Variants in WWOX observed in about 807,000 individuals in gnomAD.
The protein encoded by WWOX is WW domain-containing oxidoreductase.
In WWOX, 69 loss-of-function variants were observed where a neutral mutation model predicts 46.2. The ratio of observed to expected loss-of-function variants is 1.49; its 90% confidence interval spans 1.23 to 1.82. The LOEUF (loss-of-function observed/expected upper bound fraction) is 1.82, where lower values mean the gene tolerates loss of function less well. WWOX is among the 40% of genes most tolerant of loss of function. The pLI is 0.00. For missense variants in WWOX, 919 were observed against 542.6 expected (o/e 1.69, Z -6.89); for synonymous variants, 359 against 202.6 (o/e 1.77, Z -6.56).
At chr16:79,088,392 A>T (rs765123515) in intron 8 of WWOX, among the ~76,000 whole-genome samples, 1 of 152,202 alleles carries the variant, frequency 6.6e-6, no homozygotes, top group Non-Finnish European at 1.5e-5. Context: ...CTCTGATCAG[A>T]TAAAGACAGG....
At chr16:78,386,993 T>C (rs764107841) in intron 6 of WWOX, 45 bp downstream of exon 6, 25 of 1,568,744 alleles carry the variant, frequency 1.6e-5, no homozygotes, top group South Asian at 6.6e-5. Flanking sequence ...TTCTTGCTAT[T>C]GTAATATCTT....
At chr16:78,550,622 T>C (rs773426365) in intron 8 of WWOX, 10 of 152,262 alleles carry the variant, frequency 6.6e-5, no homozygotes, top group Non-Finnish European at 1.3e-4. Context: ...TTGTCTGACA[T>C]AACTCAAAGT....
chr16:78,868,906 CCCCCCTTTTT>C (rs2044065648), intron 8 of WWOX, among the ~76,000 whole-genome samples: 5 of 152,164 alleles, frequency 3.3e-5, no homozygotes, highest in Admixed American at 3.3e-4. Context: ...TTGCACTTTT[CCCCCCTTTTT>C]CCATTAAAAC....
intron 8 of WWOX, among the ~76,000 whole-genome samples, chr16:78,640,249 T>G (rs912504707): frequency 2.1e-5 from 3 of 142,790 alleles, no homozygotes; most frequent in Admixed American, 1.4e-4. Context: ...TTTTTTTTTT[T>G]TTTTTGGCTT....
intron 8 of WWOX, among the ~76,000 whole-genome samples, chr16:78,855,792 C>T (rs537023990): frequency 6.6e-6 from 1 of 152,090 alleles, no homozygotes; most frequent in Non-Finnish European, 1.5e-5. Context: ...AAAAGATAGC[C>T]TGTTCATTCA....
intron 5 of WWOX, among the ~76,000 whole-genome samples, chr16:78,262,973 C>G (rs1216379285): frequency 6.6e-6 from 1 of 151,036 alleles, no homozygotes; most frequent in Non-Finnish European, 1.5e-5. Context: ...CCCTGCTCAA[C>G]TCTCATGGGC....
chr16:78,709,938 C>A (rs1015993903), intron 8 of WWOX, among the ~76,000 whole-genome samples: 1 of 152,008 alleles, frequency 6.6e-6, no homozygotes, highest in Non-Finnish European at 1.5e-5. Flanking sequence ...ACCATGTTGC[C>A]CAGGATGGTC....
At chr16:78,356,166 G>A (rs9745996) in intron 5 of WWOX, among the ~76,000 whole-genome samples, 108,184 of 146,736 alleles carry the variant, frequency 0.74, 41,473 homozygotes, top group African/African-American at 0.84. Flanking sequence ...CAGCTTGGGC[G>A]ACAGAGCGAG....
chr16:79,006,551 G>A (rs906728030), intron 8 of WWOX, among the ~76,000 whole-genome samples: 1 of 151,836 alleles, frequency 6.6e-6, no homozygotes, highest in Non-Finnish European at 1.5e-5. Flanking sequence ...CATTTGTGAG[G>A]CACTGTATTT....
chr16:78,858,100 T>A (rs532707598), intron 8 of WWOX, among the ~76,000 whole-genome samples: 1 of 151,734 alleles, frequency 6.6e-6, no homozygotes, highest in East Asian at 1.9e-4. Flanking sequence ...AAAGGAAAAA[T>A]GAAAGAAATT....
intron 1 of WWOX, 185 bp downstream of exon 1, chr16:78,100,070 C>T (rs534996610): frequency 1.4e-6 from 2 of 1,391,348 alleles, no homozygotes; most frequent in Non-Finnish European, 1.9e-6. Context: ...TGGTGGGCCT[C>T]GGGTCCAGCG....
At chr16:78,121,112 T>G (rs1486329602) in intron 4 of WWOX, among the ~76,000 whole-genome samples, 1 of 152,196 alleles carries the variant, frequency 6.6e-6, no homozygotes, top group Non-Finnish European at 1.5e-5. Flanking sequence ...AATGCCTGAT[T>G]AGTTTCCTTT....
intron 8 of WWOX, among the ~76,000 whole-genome samples, chr16:78,475,097 T>A (rs1405796543): frequency 3.3e-5 from 5 of 152,184 alleles, no homozygotes; most frequent in African/African-American, 1.2e-4. Context: ...ATAAAACCAC[T>A]GCTCATTACT....
chr16:78,630,383 A>G (rs562101233), intron 8 of WWOX, among the ~76,000 whole-genome samples: 2 of 152,262 alleles, frequency 1.3e-5, no homozygotes, highest in South Asian at 2.1e-4. Context: ...GACTGCTTGT[A>G]CCAAAAATAG....
At chr16:79,104,973 C>T (rs558408119) in intron 8 of WWOX, among the ~76,000 whole-genome samples, 25 of 152,208 alleles carry the variant, frequency 1.6e-4, no homozygotes, top group Middle Eastern at 3.4e-3. Flanking sequence ...TGCACCTGTC[C>T]GCCACCCCAA....
Position 78,532,839 on chromosome 16 carries a change from A to G in WWOX, c.1056+100087A>G, listed in dbSNP as rs75131066. The stretch of plus-strand genomic sequence containing the variant: ...TTACCTCCCACCTGGTCCCTCCTGC[A>G]ACATGTGGGAATTCAAGAAGAGATT... On this transcript the variant is annotated intron_variant, in intron 8 of 8. Transcript: ENST00000566780. Among the ~76,000 whole-genome samples, 777 of 152,314 alleles carry G rather than the reference A, an allele frequency of 5.1e-3. 10 individuals carry two copies. Among genetic ancestry groups the G allele is most frequent in the African/African-American group, 0.018 (755 of 41,578 alleles).
intron 8 of WWOX, among the ~76,000 whole-genome samples, chr16:79,034,833 G>A (rs981188297): frequency 1.3e-5 from 2 of 151,990 alleles, no homozygotes; most frequent in South Asian, 2.1e-4. Flanking sequence ...CCAGTCTCCC[G>A]AGTAGTGTAT....
chr16:79,094,576 TAAGAAACAAC>T (rs2049031497), intron 8 of WWOX, among the ~76,000 whole-genome samples: 1 of 151,954 alleles, frequency 6.6e-6, no homozygotes, highest in Admixed American at 6.6e-5. Context: ...AAAAAGCAAA[TAAGAAACAAC>T]AACAAACTGC....
intron 8 of WWOX, among the ~76,000 whole-genome samples, chr16:79,175,809 T>C (rs1435238457): frequency 6.6e-6 from 1 of 152,172 alleles, no homozygotes; most frequent in Non-Finnish European, 1.5e-5. Flanking sequence ...CAATGTGCCC[T>C]TTTTGTCTCA....
Sources: allele counts gnomAD v4.1 joint callset (sites outside exome capture counted in the v4.1 genomes callset), GRCh38; gene constraint gnomAD v4.1.1; transcripts MANE v1.5; gene names NCBI Gene and HGNC (gene_info 2026-07-23, HGNC 2026-07-21).